Variants in ESRRG observed in about 807,000 individuals in gnomAD.
ESRRG encodes the protein estrogen-related receptor gamma.
A neutral mutation model predicts 44.0 loss-of-function variants in ESRRG; 13 were observed. The ratio of observed to expected loss-of-function variants is 0.30; its 90% CI spans 0.19 to 0.47. The LOEUF (loss-of-function observed/expected upper bound fraction) is 0.47. Ranked by LOEUF, ESRRG falls within the 20% of genes least tolerant of loss-of-function variation. The pLI is 1.00. For missense variants in ESRRG, 395 were observed against 580.6 expected, an observed-to-expected ratio of 0.68 and a Z score of 3.29; for synonymous variants, 215 against 214.6, an observed-to-expected ratio of 1.00 and a Z score of -0.02.
intron 1 of ESRRG, among the ~76,000 whole-genome samples, chr1:217,005,694 C>A (rs2818762): frequency 0.51 from 77,716 of 151,640 alleles, 21,432 homozygotes; most frequent in East Asian, 0.73. Context: ...ATAACATTAG[C>A]ATTGGTTCTT....
At chr1:216,829,105 G>A (rs376409688) in intron 2 of ESRRG, among the ~76,000 whole-genome samples, 28 of 152,076 alleles carry the variant, frequency 1.8e-4, no homozygotes, top group Non-Finnish European at 2.9e-4. Flanking sequence ...AATATGAATC[G>A]TATTGATAGA....
chr1:216,698,467 C>T (rs564673032), intron 1 of ESRRG, among the ~76,000 whole-genome samples: 21 of 139,972 alleles, frequency 1.5e-4, no homozygotes, highest in African/African-American at 5.3e-4. Flanking sequence ...TGCAGTGAGC[C>T]GAGATCACGC....
intron 5 of ESRRG, among the ~76,000 whole-genome samples, chr1:216,548,225 T>C (rs1191925798): frequency 2.0e-5 from 3 of 152,096 alleles, no homozygotes; most frequent in Non-Finnish European, 4.4e-5. Context: ...TGCCCACCTG[T>C]ATGGCATGCA....
chr1:217,054,831 G>A (rs1050094894), intron 1 of ESRRG, among the ~76,000 whole-genome samples: 1 of 152,072 alleles, frequency 6.6e-6, no homozygotes, highest in Non-Finnish European at 1.5e-5. Flanking sequence ...GGAAGCTACG[G>A]TCATTGATTA....
intron 5 of ESRRG, among the ~76,000 whole-genome samples, chr1:216,538,540 C>T (rs999939984): frequency 1.2e-4 from 18 of 152,004 alleles, no homozygotes; most frequent in African/African-American, 3.6e-4. Flanking sequence ...AGAGGTGACT[C>T]GGGCAGCTGA....
In ESRRG at chr1:217,085,481, A is replaced by ATTT. The variant is rs148354268; in HGVS notation, c.-106+4023_-106+4025dup. Among the ~76,000 whole-genome samples, 267 of 49,136 alleles carry ATTT rather than the reference A, an allele frequency of 5.4e-3. 19 individuals carry two copies. The highest frequency in any genetic ancestry group is 0.023 in the African/African-American group (249 of 10,838). 32.2% of individuals were successfully genotyped at this position (49,136 alleles called of 152,430 possible). On this transcript the variant is annotated intron_variant, in intron 1 of 7. Transcript: ENST00000359162. ...TTTTCTTTCTTTTTCTTTTCTTTTC[A>ATTT]TTTTTTTTTTTTTTTTTTTTTTTTT...
Position 216,507,184 on chromosome 1 carries a change from C to A in ESRRG, c.1133-1G>T. The A allele has an allele frequency of 6.3e-7, 1 of 1,598,808 alleles. No homozygotes were observed. Among genetic ancestry groups the A allele is most frequent in the South Asian group, 1.1e-5 (1 of 89,278 alleles). ...TCAACATCTTCTATGTGCATGGAGTCTGTGCAATGAAGCAAAAGATATGAG... is the reference window on the plus strand; with the variant it reads ...TCAACATCTTCTATGTGCATGGAGTATGTGCAATGAAGCAAAAGATATGAG... On this transcript the variant is annotated splice_acceptor_variant, in intron 6 of 6. Coordinates refer to ENST00000408911, the MANE Select transcript of ESRRG (RefSeq NM_001438.4). LOFTEE classifies it high-confidence loss of function.
chr1:216,525,648 T>C (rs565957575), intron 5 of ESRRG, among the ~76,000 whole-genome samples: 4 of 152,058 alleles, frequency 2.6e-5, no homozygotes, highest in Non-Finnish European at 5.9e-5. Context: ...AGGAAAGCAA[T>C]GCCATATAAT....
At chr1:216,855,938 A>T (rs919542544) in intron 2 of ESRRG, among the ~76,000 whole-genome samples, 1 of 152,194 alleles carries the variant, frequency 6.6e-6, no homozygotes, top group African/African-American at 2.4e-5. Context: ...TGTGCTGAAT[A>T]ATGATGAGGT....
At chr1:216,945,196 G>A (rs1433741204) in intron 1 of ESRRG, among the ~76,000 whole-genome samples, 2 of 152,084 alleles carry the variant, frequency 1.3e-5, no homozygotes, top group Non-Finnish European at 2.9e-5. Flanking sequence ...GAAACAAAAG[G>A]GGAGGGAAAA....
Position 217,085,581 on chromosome 1 carries a change from C to A in ESRRG, c.-106+3926G>T, listed in dbSNP as rs963725894. ...TCTCGGCTGACTGCTATCTCTACCT[C>A]CCGGGTGCAAGCCATTCTCCTGCCT... On this transcript the variant is annotated intron_variant, in intron 1 of 7. Coordinates refer to the ESRRG transcript ENST00000359162. Among the ~76,000 whole-genome samples the A allele has an allele frequency of 2.0e-5, 3 of 149,978 alleles. No individual in the cohort carries two copies. The Admixed American group carries it at 2.0e-4, about 10-fold the overall frequency.
chr1:216,805,879 G>C (rs1209876678), intron 2 of ESRRG, among the ~76,000 whole-genome samples: 2 of 152,156 alleles, frequency 1.3e-5, no homozygotes, highest in Non-Finnish European at 2.9e-5. Flanking sequence ...CCCTGCTAGG[G>C]ACATAAGAGT....
chr1:216,518,777 G>A (rs1001960253), intron 6 of ESRRG, among the ~76,000 whole-genome samples: 2 of 152,042 alleles, frequency 1.3e-5, no homozygotes, highest in African/African-American at 4.8e-5. Context: ...CATTTTTGAG[G>A]GAAAAATGGT....
chr1:216,683,723 T>C (rs1559206202), intron 1 of ESRRG, among the ~76,000 whole-genome samples: 3 of 152,222 alleles, frequency 2.0e-5, no homozygotes, highest in African/African-American at 7.2e-5. Context: ...AAGTGTCCCA[T>C]GCATTATAAT....
chr1:216,634,473 G>A (rs1020862813), intron 3 of ESRRG, among the ~76,000 whole-genome samples: 9 of 151,986 alleles, frequency 5.9e-5, no homozygotes, highest in Non-Finnish European at 1.2e-4. Context: ...TACATTGTAA[G>A]TAATTCAGAA....
chr1:216,726,159 C>T (rs537145296), upstream of ESRRG, among the ~76,000 whole-genome samples: 8 of 152,260 alleles, frequency 5.3e-5, no homozygotes, highest in African/African-American at 1.7e-4. Flanking sequence ...AACCATATTT[C>T]ATCTACGCAA....
At chr1:216,912,168 A>G (rs143600664) in intron 2 of ESRRG, among the ~76,000 whole-genome samples, 3,064 of 30,092 alleles carry the variant, frequency 0.1, 222 homozygotes, top group East Asian at 0.17. Flanking sequence ...AAGAAAAGAA[A>G]AGAAAAGAAA....
intron 1 of ESRRG, among the ~76,000 whole-genome samples, chr1:216,981,164 A>T (rs1051843708): frequency 1.3e-5 from 2 of 152,176 alleles, no homozygotes; most frequent in African/African-American, 4.8e-5. Flanking sequence ...AACGTTATCG[A>T]GTGGGAGTTA....
Position 217,129,664 on chromosome 1 carries a change from A to G in ESRRG, c.-230+8003T>C, listed in dbSNP as rs186526468. Among the ~76,000 whole-genome samples, 3 of 152,360 alleles carry G rather than the reference A, an allele frequency of 2.0e-5. No homozygotes were observed. In the East Asian group the frequency reaches 5.8e-4, roughly 29 times the overall value. On this transcript the variant is annotated intron_variant, in intron 1 of 8. Coordinates refer to the ESRRG transcript ENST00000366940. ...TACAATATGGATGAACCTTCATAACAAATGAAGTTATATGAAGATAATAAG... is the reference window on the plus strand; with the variant it reads ...TACAATATGGATGAACCTTCATAACGAATGAAGTTATATGAAGATAATAAG...
Sources: allele counts gnomAD v4.1 joint callset (sites outside exome capture counted in the v4.1 genomes callset), GRCh38; gene constraint gnomAD v4.1.1; transcripts MANE v1.5; gene names NCBI Gene and HGNC (gene_info 2026-07-23, HGNC 2026-07-21).